ERBB4: variants seen among roughly 807,000 people sequenced by gnomAD.
ERBB4 encodes receptor tyrosine-protein kinase erbB-4.
ERBB4 carries 42 observed loss-of-function variants against 158.0 expected under a neutral mutation model. The ratio of observed to expected loss-of-function variants is 0.27; its 90% CI spans 0.21 to 0.34. ERBB4 has a LOEUF of 0.34. ERBB4 is among the 10% of genes least tolerant of loss of function. The pLI is 1.00. For missense variants in ERBB4, 1,333 were observed against 1,624.1 expected, an observed-to-expected ratio of 0.82 and a Z score of 3.08; for synonymous variants, 583 against 558.7, an observed-to-expected ratio of 1.04 and a Z score of -0.61.
At chr2:211,713,425 G>A (rs1411972605) in intron 8 of ERBB4, 110 bp downstream of exon 8, 1 of 724,830 alleles carries the variant, frequency 1.4e-6, no homozygotes, top group African/African-American at 1.7e-5. Flanking sequence ...GTGTGGGTAG[G>A]TTTGGTTGTG....
intron 1 of ERBB4, among the ~76,000 whole-genome samples, chr2:212,349,867 T>A (rs1228025396): frequency 6.6e-6 from 1 of 151,826 alleles, no homozygotes; most frequent in Non-Finnish European, 1.5e-5. Flanking sequence ...CCCAGCAAAA[T>A]CAAGGTTCTG....
At chr2:211,773,631 T>TATATATATATATAAA (rs2075786518) in intron 4 of ERBB4, among the ~76,000 whole-genome samples, 1 of 91,264 alleles carries the variant, frequency 1.1e-5, no homozygotes, top group African/African-American at 7.0e-5. Flanking sequence ...TATATATATA[T>TATATATATATATAAA]ATATATATAT....
At chr2:211,468,935 C>T (rs1331054021) in intron 20 of ERBB4, among the ~76,000 whole-genome samples, 1 of 147,646 alleles carries the variant, frequency 6.8e-6, no homozygotes, top group African/African-American at 2.5e-5. Flanking sequence ...AAAAAAAAAC[C>T]CTTAAAGGCA....
At chr2:211,492,278 G>A (rs1207594713) in intron 20 of ERBB4, among the ~76,000 whole-genome samples, 2 of 152,062 alleles carry the variant, frequency 1.3e-5, no homozygotes, top group Non-Finnish European at 2.9e-5. Context: ...TGATTTTGGG[G>A]GGAGCATTCA....
intron 3 of ERBB4, among the ~76,000 whole-genome samples, chr2:211,803,167 T>G (rs74504761): frequency 6.6e-6 from 1 of 152,130 alleles, no homozygotes; most frequent in Non-Finnish European, 1.5e-5. Context: ...AATAGTAAAA[T>G]GTGTCATGCT....
chr2:212,267,347 A>T (rs898461141), intron 1 of ERBB4, among the ~76,000 whole-genome samples: 15 of 151,942 alleles, frequency 9.9e-5, no homozygotes, highest in African/African-American at 2.9e-4. Context: ...ATACTGATAC[A>T]TAGTGATTGG....
chr2:211,824,185 T>C (rs1393741979), intron 3 of ERBB4, among the ~76,000 whole-genome samples: 2 of 151,972 alleles, frequency 1.3e-5, no homozygotes, highest in African/African-American at 4.8e-5. Context: ...CTTTCATCCT[T>C]CCCCTTAAGG....
At chr2:211,592,228 C>A (rs2068493662) in intron 19 of ERBB4, among the ~76,000 whole-genome samples, 1 of 152,144 alleles carries the variant, frequency 6.6e-6, no homozygotes, top group Non-Finnish European at 1.5e-5. Context: ...TTCCTGGGAA[C>A]TGCGGGTATT....
At chr2:211,416,101 G>C (rs1162220355) in intron 25 of ERBB4, among the ~76,000 whole-genome samples, 1 of 152,160 alleles carries the variant, frequency 6.6e-6, no homozygotes, top group Non-Finnish European at 1.5e-5. Flanking sequence ...GCTTACAAAT[G>C]ACTGGATGGG....
chr2:211,414,185 G>C (rs1216498938), intron 25 of ERBB4, among the ~76,000 whole-genome samples: 16 of 152,130 alleles, frequency 1.1e-4, no homozygotes, highest in Admixed American at 1.0e-3. Flanking sequence ...ATCATTTTCT[G>C]ATGAAATGTT....
intron 6 of ERBB4, 104 bp downstream of exon 6, chr2:211,724,972 G>T: frequency 1.1e-6 from 1 of 902,496 alleles, no homozygotes; most frequent in Non-Finnish European, 1.9e-6. Flanking sequence ...TCCTAAAGTG[G>T]CTAAAGTTGA....
chr2:212,161,313 C>G (rs1234287725), intron 1 of ERBB4, among the ~76,000 whole-genome samples: 1 of 151,858 alleles, frequency 6.6e-6, no homozygotes, highest in Non-Finnish European at 1.5e-5. Context: ...TGTCCCCATA[C>G]TAACATAATT....
chr2:212,019,575 C>A (rs1329704361), intron 2 of ERBB4, among the ~76,000 whole-genome samples: 3 of 151,770 alleles, frequency 2.0e-5, no homozygotes, highest in African/African-American at 4.8e-5. Context: ...CCAGCCTGGG[C>A]AACATGGTGA....
At chr2:212,413,534 A>T (rs1044249114) in intron 1 of ERBB4, among the ~76,000 whole-genome samples, 2 of 152,142 alleles carry the variant, frequency 1.3e-5, no homozygotes, top group Non-Finnish European at 1.5e-5. Flanking sequence ...GATTGGAAGA[A>T]TACAACTGTA....
intron 1 of ERBB4, among the ~76,000 whole-genome samples, chr2:212,465,457 A>C (rs1574971491): frequency 6.6e-6 from 1 of 152,296 alleles, no homozygotes; most frequent in East Asian, 1.9e-4. Context: ...CTATATTTTC[A>C]TATCTCTGTA....
chr2:211,693,655 T>C (rs2106004740), intron 12 of ERBB4, among the ~76,000 whole-genome samples: 1 of 152,302 alleles, frequency 6.6e-6, no homozygotes. Context: ...CAGAATGATC[T>C]GCTTTGTATT....
At chr2:212,470,698 G>T (rs2106115246) in intron 1 of ERBB4, among the ~76,000 whole-genome samples, 1 of 152,170 alleles carries the variant, frequency 6.6e-6, no homozygotes, top group African/African-American at 2.4e-5. Flanking sequence ...TATTTCTGAG[G>T]TCCCGAAATG....
At chr2:212,454,442 C>T (rs946449220) in intron 1 of ERBB4, among the ~76,000 whole-genome samples, 2 of 152,148 alleles carry the variant, frequency 1.3e-5, no homozygotes, top group Non-Finnish European at 2.9e-5. Context: ...GGTTTTCCCA[C>T]CTCTGCACTT....
chr2:212,320,559 C>G (rs984654432), intron 1 of ERBB4, among the ~76,000 whole-genome samples: 1 of 147,616 alleles, frequency 6.8e-6, no homozygotes, highest in Non-Finnish European at 1.5e-5. Context: ...ATTCTGAGTT[C>G]TCAGAACTGG....
Sources: allele counts gnomAD v4.1 joint callset (sites outside exome capture counted in the v4.1 genomes callset), GRCh38; gene constraint gnomAD v4.1.1; transcripts MANE v1.5; gene names NCBI Gene and HGNC (gene_info 2026-07-23, HGNC 2026-07-21).